DLGAP2: variants seen among roughly 807,000 people sequenced by gnomAD.
The protein encoded by DLGAP2 is disks large-associated protein 2.
In DLGAP2, 26 loss-of-function variants were observed where a neutral mutation model predicts 100.3. The observed-to-expected ratio is 0.26, with a 90% CI of 0.19 to 0.36. The LOEUF (loss-of-function observed/expected upper bound fraction) is 0.36. DLGAP2 is among the 10% of genes least tolerant of loss of function. The pLI is 1.00. For missense variants in DLGAP2, 1,858 were observed against 1,453.2 expected (o/e 1.28, Z -4.53); for synonymous variants, 886 against 630.1 (o/e 1.41, Z -6.08).
chr8:1,301,874 C>T (rs1563070892), intron 3 of DLGAP2: 2 of 152,318 alleles, frequency 1.3e-5, no homozygotes, highest in African/African-American at 2.4e-5. Flanking sequence ...GCCCCCTCAA[C>T]ACAACACGAC....
chr8:1,152,270 C>A (rs1044419267), intron 2 of DLGAP2, among the ~76,000 whole-genome samples: 3 of 152,196 alleles, frequency 2.0e-5, no homozygotes, highest in Non-Finnish European at 4.4e-5. Context: ...TGTTTGCATT[C>A]AGACTTTTGC....
chr8:1,285,952 T>C (rs1188245183), intron 3 of DLGAP2, among the ~76,000 whole-genome samples: 1 of 152,224 alleles, frequency 6.6e-6, no homozygotes, highest in African/African-American at 2.4e-5. Context: ...AGACCCTGTC[T>C]CAAAGAAACA....
intron 2 of DLGAP2, among the ~76,000 whole-genome samples, chr8:1,180,464 G>A (rs1350461106): frequency 6.6e-6 from 1 of 152,230 alleles, no homozygotes; most frequent in Non-Finnish European, 1.5e-5. Context: ...GTGTGCCTGG[G>A]ATCTCAGGCA....
intron 14 of DLGAP2, among the ~76,000 whole-genome samples, chr8:1,699,008 G>C (rs890838769): frequency 6.6e-6 from 1 of 152,260 alleles, no homozygotes; most frequent in East Asian, 1.9e-4. Context: ...ACCCATGTGT[G>C]GGACTAGACA....
chr8:1,538,668 G>A (rs539980914), intron 4 of DLGAP2, among the ~76,000 whole-genome samples: 1 of 152,162 alleles, frequency 6.6e-6, no homozygotes, highest in East Asian at 1.9e-4. Flanking sequence ...GAATGCCCTG[G>A]CCCTCTTTTC....
In DLGAP2 at chr8:1,565,733, G is replaced by A; in HGVS notation, c.1281G>A (p.Glu427=). 2 of 1,613,686 alleles carry A rather than the reference G, an allele frequency of 1.2e-6. No homozygotes were observed. The highest frequency in any genetic ancestry group is 8.5e-7 in the Non-Finnish European group (1 of 1,179,786). The change falls in exon 6 of 15, where the codon GAG becomes GAA. Residue 427 remains glutamate, a synonymous_variant. Coordinates refer to ENST00000637795, the MANE Select transcript of DLGAP2 (RefSeq NM_001346810.2). ...GGYPTGGKDE[E]IPCRRMRSGS... is the part of the protein sequence containing the mutation. ...ACCCCACCGGTGGCAAAGATGAGGA[G>A]ATTCCCTGCAGGAGAATGAGAAGTG...
chr8:1,409,987 C>T (rs1796683088), intron 3 of DLGAP2, among the ~76,000 whole-genome samples: 1 of 152,194 alleles, frequency 6.6e-6, no homozygotes, highest in Non-Finnish European at 1.5e-5. Context: ...GTCTGTGTGT[C>T]CTGTTGGTTC....
At chr8:1,144,854 C>T (rs66803307) in intron 2 of DLGAP2, among the ~76,000 whole-genome samples, 14,825 of 86,754 alleles carry the variant, frequency 0.17, 170 homozygotes, top group Non-Finnish European at 0.22. Flanking sequence ...AGACCGCAGA[C>T]GGCCTGTATG....
At chr8:1,087,588 T>C (rs1380444807) in intron 2 of DLGAP2, among the ~76,000 whole-genome samples, 1 of 152,018 alleles carries the variant, frequency 6.6e-6, no homozygotes, top group Non-Finnish European at 1.5e-5. Context: ...TGTGCCATCT[T>C]CATCTTCTAG....
At chr8:1,460,826 T>C (rs1172422403) in intron 3 of DLGAP2, among the ~76,000 whole-genome samples, 1 of 152,214 alleles carries the variant, frequency 6.6e-6, no homozygotes, top group Non-Finnish European at 1.5e-5. Context: ...TATACAAACC[T>C]GGAGACCAGC....
chr8:1,033,593 A>G (rs1004250626), intron 2 of DLGAP2, among the ~76,000 whole-genome samples: 9 of 152,176 alleles, frequency 5.9e-5, no homozygotes, highest in African/African-American at 2.2e-4. Flanking sequence ...GCTTGAGCCT[A>G]GGATGCGGAG....
intron 2 of DLGAP2, among the ~76,000 whole-genome samples, chr8:1,084,841 A>T (rs953405023): frequency 6.6e-6 from 1 of 152,158 alleles, no homozygotes; most frequent in Non-Finnish European, 1.5e-5. Context: ...TGACCATGGG[A>T]GTGCAGGCAT....
At chr8:1,584,323 C>T (rs1796045623) in intron 6 of DLGAP2, among the ~76,000 whole-genome samples, 1 of 152,206 alleles carries the variant, frequency 6.6e-6, no homozygotes, top group Non-Finnish European at 1.5e-5. Flanking sequence ...GATTCACATT[C>T]ACCTGATTTC....
At chr8:1,515,774 C>G (rs1800351563) in intron 4 of DLGAP2, among the ~76,000 whole-genome samples, 2 of 152,180 alleles carry the variant, frequency 1.3e-5, no homozygotes, top group Non-Finnish European at 2.9e-5. Context: ...ACATACAACA[C>G]ATACAACACA....
chr8:1,208,506 C>A (rs1358312284), intron 2 of DLGAP2, among the ~76,000 whole-genome samples: 2 of 152,158 alleles, frequency 1.3e-5, no homozygotes, highest in Non-Finnish European at 2.9e-5. Flanking sequence ...CTATGACACA[C>A]TAACAGCCAA....
chr8:1,455,848 A>T (rs868495295), intron 3 of DLGAP2, among the ~76,000 whole-genome samples: 1 of 151,732 alleles, frequency 6.6e-6, no homozygotes, highest in Non-Finnish European at 1.5e-5. Flanking sequence ...CAGACCACAG[A>T]CTCCAGGACG....
rs562140944 is a variant in DLGAP2, at chr8:1,143,683, C to A, written c.74-115168C>A. Among the ~76,000 whole-genome samples the A allele has an allele frequency of 2.4e-3, 358 of 152,298 alleles. 9 individuals carry two copies. The South Asian group carries it at 0.034, about 15-fold the overall frequency. On this transcript the variant is annotated intron_variant, in intron 2 of 14. Transcript: ENST00000637795. ...TCACCCACGCTCCCCACTATTTGGC[C>A]CACGGATGCTACACGCTGGCCACCC...
chr8:1,661,463 G>A (rs772960776), intron 8 of DLGAP2, among the ~76,000 whole-genome samples: 1 of 152,204 alleles, frequency 6.6e-6, no homozygotes, highest in Non-Finnish European at 1.5e-5. Flanking sequence ...AGGGAAGAAG[G>A]CTTTCATCAG....
chr8:1,512,583 C>T (rs959241182), intron 4 of DLGAP2, among the ~76,000 whole-genome samples: 2 of 152,010 alleles, frequency 1.3e-5, no homozygotes, highest in Admixed American at 6.6e-5. Context: ...AGCAGCCTGC[C>T]GCAGCAGCGA....
Sources: allele counts gnomAD v4.1 joint callset (sites outside exome capture counted in the v4.1 genomes callset), GRCh38; gene constraint gnomAD v4.1.1; transcripts MANE v1.5; gene names NCBI Gene and HGNC (gene_info 2026-07-23, HGNC 2026-07-21).